Variants in CRHR2 observed in about 807,000 individuals in gnomAD.
CRHR2 encodes corticotropin releasing hormone receptor 2.
Under a neutral mutation model 57.9 loss-of-function variants are expected in CRHR2, and 53 were observed. That is an observed-to-expected ratio of 0.92 (90% CI 0.73 to 1.15). CRHR2 has a LOEUF of 1.15. Ranked by LOEUF, CRHR2 falls within the 50% of genes most tolerant of loss-of-function variation. The probability of loss-of-function intolerance (pLI) is 0.00; values close to 1 mark genes in which losing one functional copy is unlikely to be tolerated. For missense variants in CRHR2, 532 were observed against 542.6 expected, an observed-to-expected ratio of 0.98 and a Z score of 0.19; for synonymous variants, 213 against 220.9, an observed-to-expected ratio of 0.96 and a Z score of 0.32.
intron 1 of CRHR2, 31 bp downstream of exon 1, chr7:30,682,147 C>T (rs2128148776): frequency 2.6e-6 from 4 of 1,537,358 alleles, no homozygotes; most frequent in Non-Finnish European, 3.5e-6. Flanking sequence ...AAGGAGCCCG[C>T]GCAGCCTCCG....
chr7:30,668,899 A>G lies in CRHR2; in HGVS notation c.230-1586T>C, dbSNP rs137888622. Among the ~76,000 whole-genome samples, 715 of 152,274 alleles carry G rather than the reference A, an allele frequency of 4.7e-3. 5 individuals carry two copies. The highest frequency in any genetic ancestry group is 0.016 in the African/African-American group (671 of 41,564). ...GGAAGCCTGCTCCCCACCCCTAGCCATGGCGCCCAACTCCCCAGGTGGGAT... is the reference window on the plus strand; with the variant it reads ...GGAAGCCTGCTCCCCACCCCTAGCCGTGGCGCCCAACTCCCCAGGTGGGAT... On this transcript the variant is annotated intron_variant, in intron 2 of 11. Transcript: ENST00000471646.
chr7:30,654,505 C>T (rs1397484160), intron 11 of CRHR2, among the ~76,000 whole-genome samples: 2 of 152,242 alleles, frequency 1.3e-5, no homozygotes, highest in Non-Finnish European at 2.9e-5. Flanking sequence ...CCTCATCCAC[C>T]CCAGCCCAGG....
intron 2 of CRHR2, among the ~76,000 whole-genome samples, chr7:30,677,360 G>T (rs1472231867): frequency 1.3e-5 from 2 of 152,176 alleles, no homozygotes; most frequent in Non-Finnish European, 2.9e-5. Flanking sequence ...AGGAGTCCGT[G>T]TGGAATGGGG....
chr7:30,694,284 C>T (rs902415541), intron 1 of CRHR2, among the ~76,000 whole-genome samples: 2 of 152,250 alleles, frequency 1.3e-5, no homozygotes, highest in African/African-American at 4.8e-5. Context: ...CTGGTTCCCG[C>T]CTCTCAGTGC....
chr7:30,694,741 T>C (rs1452609273), intron 1 of CRHR2, among the ~76,000 whole-genome samples: 2 of 150,724 alleles, frequency 1.3e-5, no homozygotes, highest in African/African-American at 4.9e-5. Flanking sequence ...CCCTGCCCCT[T>C]AGGGAGCACA....
At chr7:30,669,028 T>C (rs922957509) in intron 2 of CRHR2, among the ~76,000 whole-genome samples, 1 of 152,182 alleles carries the variant, frequency 6.6e-6, no homozygotes, top group Non-Finnish European at 1.5e-5. Context: ...GTCACTGAAC[T>C]AAAAAAGCAA....
intron 10 of CRHR2, 87 bp from the exon 11 acceptor site, chr7:30,655,167 G>T (rs1783733531): frequency 4.8e-6 from 6 of 1,243,246 alleles, no homozygotes; most frequent in African/African-American, 1.5e-5. Flanking sequence ...ACAAGATGGT[G>T]GGGGGGGGAC....
At chr7:30,674,246 T>C (rs994083675) in intron 2 of CRHR2, among the ~76,000 whole-genome samples, 1 of 152,178 alleles carries the variant, frequency 6.6e-6, no homozygotes, top group South Asian at 2.1e-4. Context: ...CCCAGCTCAC[T>C]GTGTAAGCTC....
At chr7:30,689,349 GC>G (rs1323066795) in intron 1 of CRHR2, 32 of 1,309,970 alleles carry the variant, frequency 2.4e-5, no homozygotes, top group Non-Finnish European at 3.4e-5. Context: ...GTGCCTGTCT[GC>G]CCCCATCCTA....
Position 30,675,290 on chromosome 7 carries a change from G to A in CRHR2, c.229+6625C>T, listed in dbSNP as rs1013797395. On this transcript the variant is annotated intron_variant, in intron 2 of 11. Transcript: ENST00000471646. ...TGAGATGGGGCTCCTCCTTCAGCCC[G>A]TCTTCAGGGCTCCAGGCTCTGCTGT... Among the ~76,000 whole-genome samples the A allele has an allele frequency of 4.6e-5, 7 of 152,354 alleles. No homozygotes were observed. The South Asian group carries it at 6.2e-4, about 14-fold the overall frequency.
upstream of CRHR2, among the ~76,000 whole-genome samples, chr7:30,687,098 CACAGGTA>C (rs1784870617): frequency 6.6e-6 from 1 of 151,936 alleles, no homozygotes. Flanking sequence ...TCAGTTTTCT[CACAGGTA>C]TGTACATCTA....
chr7:30,655,754 G>T (rs1300354102), intron 9 of CRHR2, 39 bp from the exon 10 acceptor site: 1 of 1,603,654 alleles, frequency 6.2e-7, no homozygotes, highest in Admixed American at 1.7e-5. Flanking sequence ...AGCCCATGCG[G>T]CAGGCAGGGC....
At chr7:30,690,433 T>A (rs557433726) in intron 1 of CRHR2, among the ~76,000 whole-genome samples, 1,894 of 136,172 alleles carry the variant, frequency 0.014, 13 homozygotes, top group Admixed American at 0.02. Context: ...TGTGTGTGTG[T>A]GAGTACATGC....
intron 1 of CRHR2, among the ~76,000 whole-genome samples, chr7:30,693,690 C>A (rs866835860): frequency 6.6e-6 from 1 of 152,336 alleles, no homozygotes; most frequent in South Asian, 2.1e-4. Flanking sequence ...TGTCTTGCGA[C>A]TGGCATCTGA....
At chr7:30,657,639 A>G (rs1195635897) in intron 8 of CRHR2, among the ~76,000 whole-genome samples, 1 of 152,210 alleles carries the variant, frequency 6.6e-6, no homozygotes, top group African/African-American at 2.4e-5. Flanking sequence ...CTTGAATTCA[A>G]TATTAATCTT....
At chr7:30,667,793 G>A (rs552559921) in intron 2 of CRHR2, among the ~76,000 whole-genome samples, 2 of 152,270 alleles carry the variant, frequency 1.3e-5, no homozygotes, top group Admixed American at 6.5e-5. Context: ...GGATATACAT[G>A]TCAATTCAAT....
At chr7:30,680,186 CT>C (rs1474409546) in intron 2 of CRHR2, among the ~76,000 whole-genome samples, 2 of 152,286 alleles carry the variant, frequency 1.3e-5, no homozygotes, top group Admixed American at 6.5e-5. Context: ...TGCTTCCCCC[CT>C]AATTAGGGCA....
chr7:30,682,600 G>A (rs1029187876), upstream of CRHR2: 9 of 889,846 alleles, frequency 1.0e-5, no homozygotes, highest in Non-Finnish European at 1.3e-5. Flanking sequence ...CCTCCACCCT[G>A]CCCAAAGTAC....
intron 2 of CRHR2, among the ~76,000 whole-genome samples, chr7:30,687,935 G>T (rs921222041): frequency 1.3e-5 from 2 of 152,226 alleles, no homozygotes; most frequent in African/African-American, 4.8e-5. Flanking sequence ...TTCACTGTGA[G>T]CCTCCGAGGT....
Sources: allele counts gnomAD v4.1 joint callset (sites outside exome capture counted in the v4.1 genomes callset), GRCh38; gene constraint gnomAD v4.1.1; transcripts MANE v1.5; gene names NCBI Gene and HGNC (gene_info 2026-07-23, HGNC 2026-07-21).